Variants in CELF2 observed in about 807,000 individuals in gnomAD.
CELF2 encodes CUG triplet repeat RNA-binding protein 2.
In CELF2, 8 loss-of-function variants were observed where a neutral mutation model predicts 62.6. That is an observed-to-expected ratio of 0.13 (90% CI 0.07 to 0.23). The LOEUF (loss-of-function observed/expected upper bound fraction) is 0.23. Ranked by LOEUF, CELF2 falls within the 10% of genes least tolerant of loss-of-function variation. CELF2 has a pLI of 1.00. For synonymous variants in CELF2, 258 were observed against 250.0 expected (o/e 1.03, Z -0.30); for missense variants, 333 against 671.0 (o/e 0.50, Z 5.56).
intron 7 of CELF2, among the ~76,000 whole-genome samples, chr10:11,273,726 T>G (rs879663349): frequency 0.015 from 2,134 of 145,370 alleles, 28 homozygotes; most frequent in Middle Eastern, 0.025. Context: ...TTTTTTTGTT[T>G]TTTTGTTTTT....
intron 1 of CELF2, among the ~76,000 whole-genome samples, chr10:11,123,407 T>C (rs906860381): frequency 2.0e-5 from 3 of 152,076 alleles, no homozygotes; most frequent in African/African-American, 4.8e-5. Context: ...CACGCCACCA[T>C]CCCTGGCTAA....
chr10:10,506,269 C>CGTGTGTGTGTGTGT, the CELF2 span, among the ~76,000 whole-genome samples: 656 of 146,802 alleles, frequency 4.5e-3, 2 homozygotes, highest in African/African-American at 0.014. Flanking sequence ...AGATGCACTT[C>CGTGTGTGTGTGTGT]GTGTGTGTGT....
chr10:11,197,148 A>G (rs2058170880), intron 2 of CELF2, among the ~76,000 whole-genome samples: 1 of 152,074 alleles, frequency 6.6e-6, no homozygotes, highest in Admixed American at 6.5e-5. Flanking sequence ...GTCTGTAGGC[A>G]GGGTAGGGAT....
chr10:11,229,313 T>C (rs771678564), intron 3 of CELF2, among the ~76,000 whole-genome samples: 5 of 152,232 alleles, frequency 3.3e-5, no homozygotes, highest in Non-Finnish European at 7.3e-5. Flanking sequence ...CTTGGTGTTT[T>C]CTTTTTCTCA....
At chr10:10,904,454 A>C (rs1564796326) in intron 1 of CELF2, among the ~76,000 whole-genome samples, 1 of 151,550 alleles carries the variant, frequency 6.6e-6, no homozygotes, top group Non-Finnish European at 1.5e-5. Flanking sequence ...CTGGTCATGA[A>C]CTCCTGGCCT....
chr10:10,572,226 G>A, the CELF2 span, among the ~76,000 whole-genome samples: 1 of 151,864 alleles, frequency 6.6e-6, no homozygotes, highest in Non-Finnish European at 1.5e-5. Flanking sequence ...TAATCATTAA[G>A]AGCAGTATAT....
chr10:11,325,819 T>G lies in CELF2; in HGVS notation c.1295-17T>G. The G allele has an allele frequency of 6.7e-7, 1 of 1,486,136 alleles. No individual in the cohort carries two copies. The allele number at this position is 1,486,136 out of a possible 1,614,324, so 92.1% of individuals were successfully genotyped here. A position where few individuals can be genotyped will look rare whatever the true frequency, so the allele number is the denominator to read the frequency against. On this transcript the variant is annotated splice_polypyrimidine_tract_variant and intron_variant, in intron 11 of 12. Coordinates refer to ENST00000633077, the MANE Select transcript of CELF2 (RefSeq NM_001326342.2). ...ACTCAAGGGATACCTTACTCTGACT[T>G]TTTTTTTCCTCCTTAGGTCCAGAGG...
At chr10:11,056,847 A>C (rs767479) in intron 1 of CELF2, among the ~76,000 whole-genome samples, 50,135 of 152,078 alleles carry the variant, frequency 0.33, 8,865 homozygotes, top group African/African-American at 0.43. Flanking sequence ...AATAACTCTG[A>C]AAACTTATGC....
intron 2 of CELF2, among the ~76,000 whole-genome samples, chr10:11,196,644 C>G (rs1016198573): frequency 5.3e-5 from 8 of 150,866 alleles, no homozygotes; most frequent in African/African-American, 9.8e-5. Flanking sequence ...AAGACCCTCT[C>G]TCTTTAAAAA....
chr10:10,958,831 G>A (rs570794769), intron 2 of CELF2, among the ~76,000 whole-genome samples: 289 of 152,092 alleles, frequency 1.9e-3, no homozygotes, highest in African/African-American at 6.4e-3. Context: ...GTAACACAGC[G>A]AAGCCTAGTC....
the CELF2 span, among the ~76,000 whole-genome samples, chr10:10,714,935 C>A: frequency 6.6e-6 from 1 of 151,704 alleles, no homozygotes; most frequent in Non-Finnish European, 1.5e-5. Context: ...CATTTTACTT[C>A]CACCATACCA....
At chr10:10,688,952 C>T in the CELF2 span, among the ~76,000 whole-genome samples, 11 of 152,080 alleles carry the variant, frequency 7.2e-5, no homozygotes, top group African/African-American at 2.4e-4. Flanking sequence ...TTCAGTGAAC[C>T]ATGCTCACAC....
intron 1 of CELF2, among the ~76,000 whole-genome samples, chr10:11,055,130 T>C (rs1454211167): frequency 1.3e-5 from 2 of 152,256 alleles, no homozygotes; most frequent in Non-Finnish European, 2.9e-5. Flanking sequence ...TGTATTATTC[T>C]TGCAAATTTC....
the CELF2 span, among the ~76,000 whole-genome samples, chr10:10,764,325 C>T: frequency 3.9e-5 from 6 of 152,150 alleles, no homozygotes; most frequent in Non-Finnish European, 8.8e-5. Context: ...GCAAAAATTC[C>T]ATTTGGGAAC....
chr10:10,482,572 C>T, the CELF2 span, among the ~76,000 whole-genome samples: 1 of 152,214 alleles, frequency 6.6e-6, no homozygotes, highest in Non-Finnish European at 1.5e-5. Flanking sequence ...ATTTATCAAA[C>T]TTACACCAAA....
At chr10:10,844,997 A>G (rs2058921217) in intron 1 of CELF2, among the ~76,000 whole-genome samples, 1 of 152,156 alleles carries the variant, frequency 6.6e-6, no homozygotes, top group Non-Finnish European at 1.5e-5. Context: ...AAGTGTGAGA[A>G]ACAGTAAGGT....
chr10:11,286,374 A>G (rs1394123702), intron 8 of CELF2, among the ~76,000 whole-genome samples: 1 of 152,204 alleles, frequency 6.6e-6, no homozygotes, highest in Non-Finnish European at 1.5e-5. Flanking sequence ...GCTCAGCCAT[A>G]TGTTGGTGGT....
chr10:10,774,591 C>T, the CELF2 span, among the ~76,000 whole-genome samples: 2 of 152,230 alleles, frequency 1.3e-5, no homozygotes, highest in Non-Finnish European at 2.9e-5. Context: ...TTCCCCTTGC[C>T]TTCCGCGATG....
At chr10:10,559,983 A>C in the CELF2 span, among the ~76,000 whole-genome samples, 1 of 152,210 alleles carries the variant, frequency 6.6e-6, no homozygotes, top group Non-Finnish European at 1.5e-5. Context: ...TATATGGCAA[A>C]GCTGACTGTG....
Sources: allele counts gnomAD v4.1 joint callset (sites outside exome capture counted in the v4.1 genomes callset), GRCh38; gene constraint gnomAD v4.1.1; transcripts MANE v1.5; gene names NCBI Gene and HGNC (gene_info 2026-07-23, HGNC 2026-07-21).